KCNH8: variants seen among roughly 807,000 people sequenced by gnomAD.
KCNH8 encodes voltage-gated delayed rectifier potassium channel KCNH8.
A neutral mutation model predicts 103.6 loss-of-function variants in KCNH8; 70 were observed. That is an observed-to-expected ratio of 0.68 (90% CI 0.56 to 0.82). The LOEUF is 0.82. Among genes scored for constraint, KCNH8 ranks in the 40% least tolerant of loss-of-function variants. The pLI, the probability that KCNH8 is intolerant of heterozygous loss-of-function variation, is 0.00. For missense variants in KCNH8, 1,217 were observed against 1,329.9 expected, an observed-to-expected ratio of 0.92 and a Z score of 1.32; for synonymous variants, 498 against 489.4, an observed-to-expected ratio of 1.02 and a Z score of -0.23.
At chr3:19,157,046 G>T (rs1484798716) in intron 1 of KCNH8, among the ~76,000 whole-genome samples, 1 of 150,502 alleles carries the variant, frequency 6.6e-6, no homozygotes, top group Non-Finnish European at 1.5e-5. Context: ...GTATTTGTCA[G>T]TCCAAATGAA....
intron 5 of KCNH8, among the ~76,000 whole-genome samples, chr3:19,385,852 C>T (rs576291269): frequency 2.3e-4 from 35 of 152,136 alleles, no homozygotes; most frequent in Admixed American, 1.2e-3. Context: ...AATATCTCTC[C>T]GCCCACACTG....
intron 5 of KCNH8, among the ~76,000 whole-genome samples, chr3:19,354,634 G>T (rs898881399): frequency 8.5e-5 from 13 of 152,290 alleles, no homozygotes; most frequent in Admixed American, 3.3e-4. Context: ...ATGGGGAAAG[G>T]ATTCCCTATT....
chr3:19,293,979 A>C (rs2064963483), intron 3 of KCNH8, among the ~76,000 whole-genome samples: 1 of 152,154 alleles, frequency 6.6e-6, no homozygotes, highest in African/African-American at 2.4e-5. Flanking sequence ...TAAAAGCTGC[A>C]TTTCTCAGGT....
intron 3 of KCNH8, among the ~76,000 whole-genome samples, chr3:19,319,406 A>G (rs979325808): frequency 4.6e-5 from 7 of 152,032 alleles, no homozygotes; most frequent in African/African-American, 1.4e-4. Flanking sequence ...TCCCAGCACC[A>G]TATGTTGAAT....
At chr3:19,163,942 A>G (rs952868615) in intron 1 of KCNH8, among the ~76,000 whole-genome samples, 35 of 152,220 alleles carry the variant, frequency 2.3e-4, no homozygotes, top group African/African-American at 8.2e-4. Context: ...CATACAAAAT[A>G]CATGTTAATT....
chr3:19,500,914 A>C (rs1310444940), intron 11 of KCNH8, among the ~76,000 whole-genome samples: 1 of 152,232 alleles, frequency 6.6e-6, no homozygotes, highest in East Asian at 1.9e-4. Flanking sequence ...GAAGGCAAGA[A>C]ATAACTAAGA....
At chr3:19,403,392 AT>A (rs1559311312) in intron 7 of KCNH8, among the ~76,000 whole-genome samples, 11 of 93,406 alleles carry the variant, frequency 1.2e-4, no homozygotes, top group African/African-American at 4.0e-4. Flanking sequence ...ATATATATAT[AT>A]ATATATAAAA....
At chr3:19,345,202 A>C (rs1041662625) in intron 4 of KCNH8, among the ~76,000 whole-genome samples, 1 of 152,098 alleles carries the variant, frequency 6.6e-6, no homozygotes, top group African/African-American at 2.4e-5. Context: ...TTCAACACAA[A>C]GAAATATTAA....
intron 1 of KCNH8, among the ~76,000 whole-genome samples, chr3:19,198,238 C>T (rs2063621627): frequency 6.6e-6 from 1 of 152,054 alleles, no homozygotes; most frequent in Non-Finnish European, 1.5e-5. Context: ...CAGTCCATTG[C>T]TGAACTTTAT....
chr3:19,234,776 C>T (rs1048470035), intron 1 of KCNH8, among the ~76,000 whole-genome samples: 6 of 152,266 alleles, frequency 3.9e-5, no homozygotes, highest in African/African-American at 1.4e-4. Context: ...GAGAGAGGGC[C>T]GTGAGCACTG....
At chr3:19,423,721 C>T (rs562326932) in intron 7 of KCNH8, among the ~76,000 whole-genome samples, 46 of 151,934 alleles carry the variant, frequency 3.0e-4, no homozygotes, top group African/African-American at 9.2e-4. Context: ...TTTTCAATTG[C>T]GAATTGTGCT....
At chr3:19,438,402 G>C in intron 8 of KCNH8, 41 bp downstream of exon 8, 2 of 1,520,052 alleles carry the variant, frequency 1.3e-6, no homozygotes, top group South Asian at 2.3e-5. Flanking sequence ...GAGGAACTAT[G>C]CCTACCTAAC....
At chr3:19,374,807 C>T (rs1056234372) in intron 5 of KCNH8, among the ~76,000 whole-genome samples, 5 of 152,002 alleles carry the variant, frequency 3.3e-5, no homozygotes, top group Non-Finnish European at 7.4e-5. Context: ...CTGGTGGTGA[C>T]AAAATCTCTG....
At chr3:19,315,675 A>G (rs975170862) in intron 3 of KCNH8, among the ~76,000 whole-genome samples, 3 of 151,972 alleles carry the variant, frequency 2.0e-5, no homozygotes, top group Non-Finnish European at 2.9e-5. Context: ...GTATTCCTCA[A>G]AATAGTTCTT....
At chr3:19,430,830 A>T (rs1404437964) in intron 7 of KCNH8, among the ~76,000 whole-genome samples, 1 of 152,076 alleles carries the variant, frequency 6.6e-6, no homozygotes, top group East Asian at 1.9e-4. Flanking sequence ...TTGCACATTG[A>T]TTTTGTATCC....
chr3:19,473,294 A>G lies in KCNH8; in HGVS notation c.2040+16312A>G, dbSNP rs1462468037. 2.6e-5 allele frequency among the ~76,000 whole-genome samples: 4 copies of G among 152,334 alleles called. No individual in the cohort carries two copies. In the South Asian group the frequency reaches 6.2e-4, roughly 24 times the overall value. On this transcript the variant is annotated intron_variant, in intron 11 of 15. Coordinates refer to ENST00000328405, the MANE Select transcript of KCNH8 (RefSeq NM_144633.3). ...CTTTAACTTAATTCTATTGCTTGTC[A>G]TATCTCATCAGAAACCGACTGGAAC...
At chr3:19,323,499 T>C (rs2065379410) in intron 3 of KCNH8, among the ~76,000 whole-genome samples, 1 of 152,304 alleles carries the variant, frequency 6.6e-6, no homozygotes, top group South Asian at 2.1e-4. Flanking sequence ...GAATTCTTTT[T>C]GTGGCAATTC....
intron 3 of KCNH8, among the ~76,000 whole-genome samples, chr3:19,307,691 T>C (rs1324647773): frequency 6.6e-6 from 1 of 151,956 alleles, no homozygotes; most frequent in African/African-American, 2.4e-5. Flanking sequence ...ACGTGGTACA[T>C]ATACATAATG....
Position 19,429,162 on chromosome 3 carries a change from C to CTTTT in KCNH8, c.1178-8979_1178-8976dup, listed in dbSNP as rs575154927. Among the ~76,000 whole-genome samples the CTTTT allele has an allele frequency of 3.1e-3, 274 of 89,830 alleles. 14 individuals are homozygous for CTTTT. Among genetic ancestry groups the CTTTT allele is most frequent in the African/African-American group, 0.012 (252 of 21,146 alleles). 58.9% of individuals were successfully genotyped at this position (89,830 alleles called of 152,430 possible). A position where few individuals can be genotyped will look rare whatever the true frequency, so the allele number is the denominator to read the frequency against. On this transcript the variant is annotated intron_variant, in intron 7 of 15. Transcript: ENST00000328405. ...AAATGCATATGAGTCAGAATCCACT[C>CTTTT]TTTTTTTTTTTTTTTTTTTTTTTTT...
Sources: gnomAD v4.1 joint callset for allele counts (sites outside exome capture counted in the v4.1 genomes callset) on GRCh38, gnomAD v4.1.1 for gene constraint, MANE v1.5 for transcripts, NCBI Gene and HGNC (gene_info 2026-07-23, HGNC 2026-07-21) for gene names.